Variants in TNRC6C observed in about 807,000 individuals in gnomAD.
TNRC6C encodes trinucleotide repeat containing adaptor 6C, also known as trinucleotide repeat-containing gene 6C protein.
A neutral mutation model predicts 153.7 loss-of-function variants in TNRC6C; 20 were observed. That is an observed-to-expected ratio of 0.13 (90% confidence interval 0.09 to 0.19). The LOEUF (loss-of-function observed/expected upper bound fraction) is 0.19, where lower values mean the gene tolerates loss of function less well. Ranked by LOEUF, TNRC6C falls within the 10% of genes least tolerant of loss-of-function variation. The pLI is 1.00. For missense variants in TNRC6C, 1,987 were observed against 2,172.0 expected (o/e 0.91, Z 1.69); for synonymous variants, 811 against 841.4 (o/e 0.96, Z 0.63).
intron 3 of TNRC6C, among the ~76,000 whole-genome samples, chr17:78,051,903 T>C (rs1214067063): frequency 6.6e-6 from 1 of 152,122 alleles, no homozygotes; most frequent in East Asian, 1.9e-4. Context: ...GCTCCAAGTG[T>C]CCAGTGAGGA....
intron 2 of TNRC6C, among the ~76,000 whole-genome samples, chr17:78,040,711 A>C (rs1185190147): frequency 6.6e-6 from 1 of 152,256 alleles, no homozygotes; most frequent in Non-Finnish European, 1.5e-5. Flanking sequence ...CTGTGATGCT[A>C]ATTGTAACTG....
chr17:77,958,759 G>GGGAGCC (rs2070833669), upstream of TNRC6C, among the ~76,000 whole-genome samples: 1 of 150,302 alleles, frequency 6.7e-6, no homozygotes, highest in African/African-American at 2.4e-5. Context: ...CGACGGCCCC[G>GGGAGCC]GGAGCCGTAG....
chr17:78,042,812 TTGGTGA>T (rs2072326222), intron 2 of TNRC6C, among the ~76,000 whole-genome samples: 1 of 151,584 alleles, frequency 6.6e-6, no homozygotes, highest in Non-Finnish European at 1.5e-5. Context: ...GATGACGGTG[TTGGTGA>T]TGGTCGTAAC....
intron 7 of TNRC6C, among the ~76,000 whole-genome samples, chr17:78,073,766 A>G (rs2073038534): frequency 6.6e-6 from 1 of 152,118 alleles, no homozygotes; most frequent in Non-Finnish European, 1.5e-5. Context: ...CTGTTTCAAG[A>G]CACCTTATTT....
rs376413228 is a variant in TNRC6C at position 78,079,427 on chromosome 17, T to C, written c.3243T>C (p.Asn1081=). The stretch of plus-strand genomic sequence containing the variant: ...GTGGCAATCTGGGTATGTTTGGCAA[T>C]AGTGGAGCAGCACAAGCCAGGACCA... Residue 1081 remains asparagine, a synonymous_variant, in exon 10 of 20, where the codon AAT becomes AAC. Transcript: ENST00000301624. This position sits in a 1 kb window ranked among gnomAD's most constrained non-coding sequence, Gnocchi z 4.3. The C allele has an allele frequency of 5.0e-5, 81 of 1,613,742 alleles. No homozygotes were observed. Among genetic ancestry groups the C allele is most frequent in the Non-Finnish European group, 6.8e-5 (80 of 1,179,870 alleles).
upstream of TNRC6C, among the ~76,000 whole-genome samples, chr17:78,001,716 TA>T (rs2071415503): frequency 6.6e-6 from 1 of 152,200 alleles, no homozygotes; most frequent in Non-Finnish European, 1.5e-5. Flanking sequence ...TATATGTTTT[TA>T]TACAGTTACA....
upstream of TNRC6C, among the ~76,000 whole-genome samples, chr17:78,002,528 T>A (rs2071428374): frequency 6.6e-6 from 1 of 152,242 alleles, no homozygotes; most frequent in Admixed American, 6.5e-5. Flanking sequence ...GTTTTACTGA[T>A]TTTTGTAAAT....
chr17:78,062,051 CAT>C (rs750447794), intron 3 of TNRC6C, among the ~76,000 whole-genome samples: 12 of 152,186 alleles, frequency 7.9e-5, no homozygotes, highest in East Asian at 1.9e-4. Context: ...TTTAGCAACA[CAT>C]GAGTTATTTT....
At chr17:78,015,407 G>T (rs1042239276) in intron 1 of TNRC6C, among the ~76,000 whole-genome samples, 34 of 151,046 alleles carry the variant, frequency 2.3e-4, no homozygotes, top group Admixed American at 2.6e-4. Flanking sequence ...GTCCCTCCCA[G>T]TTAGCATTTT....
exon 17 of TNRC6C, chr17:78,098,446 A>G (rs770349780): frequency 1.9e-6 from 3 of 1,613,894 alleles, no homozygotes; most frequent in Non-Finnish European, 2.5e-6. Flanking sequence ...ACAGTACTGC[A>G]CCCACGAGGC....
At chr17:78,037,491 A>T (rs1305528370) in intron 2 of TNRC6C, among the ~76,000 whole-genome samples, 1 of 151,874 alleles carries the variant, frequency 6.6e-6, no homozygotes, top group Non-Finnish European at 1.5e-5. Flanking sequence ...CGGATAGGGG[A>T]CTGCAAGGAA....
At chr17:78,070,890 T>C (rs1187824713) in intron 5 of TNRC6C, among the ~76,000 whole-genome samples, 195 bp from the exon 8 acceptor site, 1 of 152,210 alleles carries the variant, frequency 6.6e-6, no homozygotes, top group Non-Finnish European at 1.5e-5. Flanking sequence ...AACCTGCAAA[T>C]GTACCTTGAT....
Position 78,104,187 on chromosome 17 carries a change from A to G in TNRC6C, c.4713-298A>G, listed in dbSNP as rs145665677. Among the ~76,000 whole-genome samples, 1 of 152,346 alleles carries G rather than the reference A, an allele frequency of 6.6e-6. No homozygotes were observed. The highest frequency in any genetic ancestry group is 2.4e-5 in the African/African-American group (1 of 41,566). ...AACATCACTTGAGACGTTGGAACCT[A>G]GAAATTAGTCATTCCTGTTTTTAGC... On this transcript the variant is annotated intron_variant, in intron 19 of 19. Transcript: ENST00000301624. This position sits in a 1 kb window ranked among gnomAD's most constrained non-coding sequence, Gnocchi z 6.2.
intron 3 of TNRC6C, among the ~76,000 whole-genome samples, chr17:78,053,761 A>G (rs1045676699): frequency 5.9e-5 from 9 of 152,170 alleles, no homozygotes; most frequent in Non-Finnish European, 1.3e-4. Flanking sequence ...AAGTGATCTG[A>G]GAGCCCCCAC....
chr17:77,991,340 G>A (rs2071246594), intron 1 of TNRC6C, among the ~76,000 whole-genome samples: 1 of 152,152 alleles, frequency 6.6e-6, no homozygotes, highest in South Asian at 2.1e-4. Context: ...GTGTGGAGGT[G>A]GGCAGCCATC....
intron 1 of TNRC6C, among the ~76,000 whole-genome samples, chr17:77,996,684 T>C (rs1369199753): frequency 1.3e-5 from 2 of 152,230 alleles, no homozygotes. Flanking sequence ...TGGTGTTGGC[T>C]TCATTTTTTG....
chr17:78,003,202 C>G (rs952950080), upstream of TNRC6C, among the ~76,000 whole-genome samples: 1 of 152,102 alleles, frequency 6.6e-6, no homozygotes, highest in Non-Finnish European at 1.5e-5. Flanking sequence ...ATCCCTAAAG[C>G]AAAACCCACT....
chr17:78,051,480 TA>T (rs201980311), intron 3 of TNRC6C, 32 bp downstream of exon 5: 212,475 of 1,106,078 alleles, frequency 0.19, 398 homozygotes, highest in Non-Finnish European at 0.2. Flanking sequence ...TCTTTACAAG[TA>T]AAAAAAAAAA....
Position 78,049,013 on chromosome 17 carries a change from G to A in TNRC6C, c.-50G>A. The A allele has an allele frequency of 6.9e-7, 1 of 1,454,348 alleles. No homozygotes were observed. The highest frequency in any genetic ancestry group is 9.1e-7 in the Non-Finnish European group (1 of 1,102,692). The allele number at this position is 1,454,348 out of a possible 1,614,324, so 90.1% of individuals were successfully genotyped here. A position where few individuals can be genotyped will look rare whatever the true frequency, so the allele number is the denominator to read the frequency against. On this transcript the variant is annotated 5_prime_UTR_variant, in exon 3 of 20. Transcript: ENST00000301624. This position sits in a 1 kb window ranked among gnomAD's most constrained non-coding sequence, Gnocchi z 4.1. ...ACAGAGACTGAATCTGCCTCAGAAT[G>A]TACTACAGACACTGACTCTGCCTCC...
Sources: allele counts gnomAD v4.1 joint callset (sites outside exome capture counted in the v4.1 genomes callset), GRCh38; gene constraint gnomAD v4.1.1; non-coding constraint Gnocchi (gnomAD v3.1); transcripts MANE v1.5; gene names NCBI Gene and HGNC (gene_info 2026-07-23, HGNC 2026-07-21).